MYT1L: variants seen among roughly 807,000 people sequenced by gnomAD.
MYT1L encodes the protein myelin transcription factor 1-like protein.
Under a neutral mutation model 126.7 loss-of-function variants are expected in MYT1L, and 12 were observed. The observed-to-expected ratio is 0.09, with a 90% CI of 0.06 to 0.15. The LOEUF is 0.15. MYT1L is among the 10% of genes least tolerant of loss of function. The pLI, the probability that MYT1L is intolerant of heterozygous loss-of-function variation, is 1.00. For synonymous variants in MYT1L, 541 were observed against 604.2 expected (o/e 0.90, Z 1.53); for missense variants, 979 against 1,585.2 (o/e 0.62, Z 6.49).
chr2:2,015,265 C>T (rs905085614), intron 4 of MYT1L, among the ~76,000 whole-genome samples: 3 of 152,082 alleles, frequency 2.0e-5, no homozygotes, highest in African/African-American at 7.2e-5. Context: ...TTGGGCTCCA[C>T]GATAATGATG....
At chr2:2,157,331 C>A (rs1239902566) in intron 3 of MYT1L, among the ~76,000 whole-genome samples, 1 of 152,130 alleles carries the variant, frequency 6.6e-6, no homozygotes, top group Non-Finnish European at 1.5e-5. Context: ...ACATATCAGG[C>A]ACTTCATAAT....
At chr2:2,082,465 C>A (rs2075941786) in intron 3 of MYT1L, among the ~76,000 whole-genome samples, 1 of 152,198 alleles carries the variant, frequency 6.6e-6, no homozygotes, top group South Asian at 2.1e-4. Context: ...GCAGTTGTCA[C>A]ATGCCTTAAG....
chr2:2,100,974 T>G (rs986231130), intron 3 of MYT1L, among the ~76,000 whole-genome samples: 4 of 152,190 alleles, frequency 2.6e-5, no homozygotes, highest in African/African-American at 4.8e-5. Flanking sequence ...ATTCAGAATT[T>G]ACTCACACCT....
chr2:2,104,802 G>A (rs1244466603), intron 3 of MYT1L, among the ~76,000 whole-genome samples: 1 of 152,200 alleles, frequency 6.6e-6, no homozygotes, highest in African/African-American at 2.4e-5. Flanking sequence ...GGTTGGGGGA[G>A]GGCAGGAGGG....
At chr2:2,182,016 C>T (rs1194260149) in intron 2 of MYT1L, among the ~76,000 whole-genome samples, 4 of 152,196 alleles carry the variant, frequency 2.6e-5, no homozygotes, top group Admixed American at 2.6e-4. Flanking sequence ...CCCTGGCAGT[C>T]ACCTCCCAAC....
intron 2 of MYT1L, among the ~76,000 whole-genome samples, chr2:2,178,168 A>G (rs1271787052): frequency 6.6e-6 from 1 of 152,180 alleles, no homozygotes; most frequent in Non-Finnish European, 1.5e-5. Context: ...GAAAAATTTA[A>G]TGATTTATCT....
chr2:2,223,392 T>C (rs527405966), intron 2 of MYT1L, among the ~76,000 whole-genome samples: 4 of 152,362 alleles, frequency 2.6e-5, no homozygotes, highest in African/African-American at 9.6e-5. Context: ...AAAAAGTAAC[T>C]GAAGTGCATT....
chr2:2,047,948 G>C (rs891914328), intron 4 of MYT1L, among the ~76,000 whole-genome samples: 3 of 152,156 alleles, frequency 2.0e-5, no homozygotes, highest in African/African-American at 7.2e-5. Context: ...CAGGCTTCTA[G>C]AAGAAAAATT....
At chr2:1,815,559 C>T (rs2037489718) in intron 21 of MYT1L, among the ~76,000 whole-genome samples, 1 of 152,248 alleles carries the variant, frequency 6.6e-6, no homozygotes, top group Non-Finnish European at 1.5e-5. Flanking sequence ...CAGTGTCCTG[C>T]CTCTCAGTTG....
At chr2:2,106,774 T>C (rs2078815649) in intron 3 of MYT1L, among the ~76,000 whole-genome samples, 3 of 152,166 alleles carry the variant, frequency 2.0e-5, no homozygotes, top group South Asian at 4.1e-4. Flanking sequence ...ATGTAAGCAT[T>C]TGATGCATCC....
At chr2:1,953,565 G>A (rs1229956419) in intron 8 of MYT1L, among the ~76,000 whole-genome samples, 1 of 152,164 alleles carries the variant, frequency 6.6e-6, no homozygotes, top group Non-Finnish European at 1.5e-5. Context: ...CAACCACCTC[G>A]CGTTGCTCTT....
At chr2:2,056,100 G>T (rs1045582417) in intron 3 of MYT1L, among the ~76,000 whole-genome samples, 1 of 152,278 alleles carries the variant, frequency 6.6e-6, no homozygotes, top group Admixed American at 6.5e-5. Flanking sequence ...AAAATGAAAG[G>T]TTTTATTTGG....
chr2:2,212,081 A>G (rs1225263862), intron 2 of MYT1L, among the ~76,000 whole-genome samples: 5 of 152,182 alleles, frequency 3.3e-5, no homozygotes, highest in Admixed American at 1.3e-4. Flanking sequence ...CCCCATCTAG[A>G]CACATGACTG....
chr2:1,967,465 G>T (rs540231443), intron 8 of MYT1L, among the ~76,000 whole-genome samples: 39 of 152,192 alleles, frequency 2.6e-4, no homozygotes, highest in Non-Finnish European at 4.9e-4. Flanking sequence ...TGACTCACTG[G>T]TTCAGCCCCG....
chr2:1,988,021 G>A (rs1437316864), intron 5 of MYT1L, among the ~76,000 whole-genome samples: 1 of 152,180 alleles, frequency 6.6e-6, no homozygotes. Context: ...TGATCTTCCT[G>A]AAAGTTGCTC....
chr2:2,262,941 T>G (rs1382394802), intron 2 of MYT1L, among the ~76,000 whole-genome samples: 2 of 121,554 alleles, frequency 1.6e-5, no homozygotes, highest in South Asian at 2.8e-4. Flanking sequence ...TAACCTGTGA[T>G]ATATATATAT....
intron 2 of MYT1L, among the ~76,000 whole-genome samples, chr2:2,283,653 G>A (rs1241678607): frequency 4.6e-5 from 7 of 152,182 alleles, no homozygotes; most frequent in Non-Finnish European, 7.3e-5. Context: ...AAAGTCCCCA[G>A]GCAGTAAGGG....
intron 2 of MYT1L, among the ~76,000 whole-genome samples, chr2:2,214,474 A>G (rs2093622783): frequency 1.3e-5 from 2 of 152,176 alleles, no homozygotes; most frequent in South Asian, 4.1e-4. Flanking sequence ...AAGGCAGATA[A>G]TAGGGAAAAA....
intron 4 of MYT1L, among the ~76,000 whole-genome samples, chr2:2,004,654 CGTG>C (rs2062961234): frequency 1.3e-5 from 1 of 74,418 alleles, no homozygotes; most frequent in Admixed American, 1.1e-4. Flanking sequence ...TTCTTTCCTG[CGTG>C]CCTTCTTTCC....
Sources: gnomAD v4.1 joint callset for allele counts (sites outside exome capture counted in the v4.1 genomes callset) on GRCh38, gnomAD v4.1.1 for gene constraint, MANE v1.5 for transcripts, NCBI Gene and HGNC (gene_info 2026-07-23, HGNC 2026-07-21) for gene names.